OSTN: variants seen among roughly 807,000 people sequenced by gnomAD.
OSTN encodes the protein osteocrin.
In OSTN, 9 loss-of-function variants were observed where a neutral mutation model predicts 12.0. That is an observed-to-expected ratio of 0.75 (90% CI 0.45 to 1.30). OSTN has a LOEUF of 1.30. Among genes scored for constraint, OSTN ranks in the 50% most tolerant of loss-of-function variants. The probability of loss-of-function intolerance (pLI) is 0.00; values close to 1 mark genes in which losing one functional copy is unlikely to be tolerated. For synonymous variants in OSTN, 59 were observed against 56.9 expected (o/e 1.04, Z -0.16); for missense variants, 148 against 152.3 (o/e 0.97, Z 0.15).
At chr3:191,247,008 A>G (rs780882539) in intron 3 of OSTN, among the ~76,000 whole-genome samples, 5 of 152,250 alleles carry the variant, frequency 3.3e-5, no homozygotes, top group African/African-American at 7.2e-5. Context: ...TGCATTTGCT[A>G]TATAAAGTGA....
At chr3:191,227,743 G>A (rs1475309282) in intron 3 of OSTN, among the ~76,000 whole-genome samples, 1 of 152,050 alleles carries the variant, frequency 6.6e-6, no homozygotes, top group Admixed American at 6.6e-5. Context: ...CGACCATCTG[G>A]GCATTAGGGT....
chr3:191,239,439 C>T (rs188131365), intron 3 of OSTN, among the ~76,000 whole-genome samples: 116 of 152,354 alleles, frequency 7.6e-4, no homozygotes, highest in Non-Finnish European at 1.1e-3. Flanking sequence ...TTTCCTGCCT[C>T]ATCTACAGCC....
rs150259369 is a variant in OSTN, at chr3:191,232,602, ATT to A, written c.317+13655_317+13656del. On this transcript the variant is annotated intron_variant, in intron 3 of 4. Coordinates refer to ENST00000682035, the MANE Select transcript of OSTN (RefSeq NM_198184.2). Reference sequence around the variant, plus strand: ...TAGGCTGAAGGGCAGTGACTAAATCATTTTTTTTTTTTTTTGAGACGCAGTTT... The same window carrying A: ...TAGGCTGAAGGGCAGTGACTAAATCATTTTTTTTTTTTTGAGACGCAGTTT... Among the ~76,000 whole-genome samples, 145 of 142,822 alleles carry A rather than the reference ATT, an allele frequency of 1.0e-3. 1 individual carries two copies. The highest frequency in any genetic ancestry group is 1.6e-3 in the Non-Finnish European group (106 of 66,020). 93.7% of individuals were successfully genotyped at this position (142,822 alleles called of 152,430 possible). A position where few individuals can be genotyped will look rare whatever the true frequency, so the allele number is the denominator to read the frequency against.
intron 1 of OSTN, among the ~76,000 whole-genome samples, chr3:191,209,248 G>A (rs1353246407): frequency 6.6e-6 from 1 of 152,176 alleles, no homozygotes; most frequent in Non-Finnish European, 1.5e-5. Flanking sequence ...TTTATGTAAA[G>A]TCAAAGAGAC....
rs530868739 is a variant in OSTN at position 191,230,727 on chromosome 3, C to A, written c.317+11766C>A. On this transcript the variant is annotated intron_variant, in intron 3 of 4. Transcript: ENST00000682035. ...CATTCTGCAACCATTCATATTGCTG[C>A]CCTCTGGAACGTGCAGTGCAGAACC... Among the ~76,000 whole-genome samples, 4 of 152,212 alleles carry A rather than the reference C, an allele frequency of 2.6e-5. No homozygotes were observed. In the South Asian group the frequency reaches 6.2e-4, roughly 24 times the overall value.
At chr3:191,231,831 T>A (rs1181950944) in intron 3 of OSTN, among the ~76,000 whole-genome samples, 2 of 152,232 alleles carry the variant, frequency 1.3e-5, no homozygotes. Flanking sequence ...CATATGTCAC[T>A]ATGGCAATTT....
intron 4 of OSTN, among the ~76,000 whole-genome samples, chr3:191,255,742 A>G (rs1383238317): frequency 1.3e-5 from 2 of 152,110 alleles, no homozygotes; most frequent in African/African-American, 4.8e-5. Flanking sequence ...AAAAAAAAAC[A>G]AAAATAATCA....
chr3:191,207,648 T>TA (rs1264420746), intron 1 of OSTN, among the ~76,000 whole-genome samples: 1 of 152,208 alleles, frequency 6.6e-6, no homozygotes, highest in Non-Finnish European at 1.5e-5. Flanking sequence ...TTCCTACTAA[T>TA]AAAAACATCT....
chr3:191,229,652 A>G (rs1285861116), intron 3 of OSTN: 1 of 152,232 alleles, frequency 6.6e-6, no homozygotes, highest in Non-Finnish European at 1.5e-5. Context: ...TAATCACATA[A>G]TAAGGCCAAG....
At chr3:191,238,863 TC>T in intron 3 of OSTN, among the ~76,000 whole-genome samples, 1 of 152,334 alleles carries the variant, frequency 6.6e-6, no homozygotes, top group Middle Eastern at 3.4e-3. Context: ...TTTAAAACTT[TC>T]TCCCAAAAGG....
intron 3 of OSTN, among the ~76,000 whole-genome samples, chr3:191,238,530 G>A (rs569799605): frequency 6.6e-6 from 1 of 152,296 alleles, no homozygotes; most frequent in East Asian, 1.9e-4. Flanking sequence ...AGGGAGTAGA[G>A]GAAACGAGGC....
At chr3:191,232,160 G>A (rs989505451) in intron 3 of OSTN, among the ~76,000 whole-genome samples, 4 of 151,122 alleles carry the variant, frequency 2.6e-5, no homozygotes, top group African/African-American at 4.9e-5. Context: ...GTGAAATCCC[G>A]TCTCTACTGA....
At chr3:191,219,961 T>A (rs932892176) in intron 3 of OSTN, among the ~76,000 whole-genome samples, 1 of 152,198 alleles carries the variant, frequency 6.6e-6, no homozygotes, top group Non-Finnish European at 1.5e-5. Flanking sequence ...TATCCTGTAC[T>A]CGGCTAGCAG....
chr3:191,213,173 T>G (rs567619484), intron 2 of OSTN: 1 of 152,236 alleles, frequency 6.6e-6, no homozygotes, highest in African/African-American at 2.4e-5. Context: ...CCGGCCTATT[T>G]TTTGACTCTT....
intron 3 of OSTN, among the ~76,000 whole-genome samples, chr3:191,223,129 C>T (rs1714812747): frequency 6.6e-6 from 1 of 152,184 alleles, no homozygotes; most frequent in Non-Finnish European, 1.5e-5. Context: ...TTAGAAAGTA[C>T]CATAATGAGA....
intron 3 of OSTN, among the ~76,000 whole-genome samples, chr3:191,243,955 CA>C (rs963503957): frequency 3.3e-5 from 5 of 151,860 alleles, no homozygotes; most frequent in African/African-American, 1.2e-4. Flanking sequence ...ATTATTAGAC[CA>C]AAATTTAGTC....
At chr3:191,222,692 G>C (rs564205723) in intron 3 of OSTN, among the ~76,000 whole-genome samples, 1 of 152,236 alleles carries the variant, frequency 6.6e-6, no homozygotes, top group African/African-American at 2.4e-5. Context: ...TTTGGGAGGG[G>C]CCAGGGATGG....
At chr3:191,242,145 A>G (rs1715334567) in intron 3 of OSTN, among the ~76,000 whole-genome samples, 2 of 152,216 alleles carry the variant, frequency 1.3e-5, no homozygotes, top group South Asian at 2.1e-4. Flanking sequence ...AAAGCATTCA[A>G]TAAAGCTAAA....
intron 3 of OSTN, among the ~76,000 whole-genome samples, chr3:191,247,677 C>A (rs2108550759): frequency 6.6e-6 from 1 of 152,272 alleles, no homozygotes; most frequent in East Asian, 1.9e-4. Flanking sequence ...GCCTTTTATA[C>A]AACAGCACCA....
Sources: allele counts gnomAD v4.1 joint callset (sites outside exome capture counted in the v4.1 genomes callset), GRCh38; gene constraint gnomAD v4.1.1; transcripts MANE v1.5; gene names NCBI Gene and HGNC (gene_info 2026-07-23, HGNC 2026-07-21).